HIVEP2: variants seen among roughly 807,000 people sequenced by gnomAD.
The protein encoded by HIVEP2 is HIVEP zinc finger 2, also known as transcription factor HIVEP2.
A neutral mutation model predicts 180.7 loss-of-function variants in HIVEP2; 14 were observed. The ratio of observed to expected loss-of-function variants is 0.08; its 90% CI spans 0.05 to 0.12. HIVEP2 has a LOEUF of 0.12. HIVEP2 is among the 10% of genes least tolerant of loss of function. The pLI is 1.00. For synonymous variants in HIVEP2, 1,184 were observed against 1,136.4 expected (o/e 1.04, Z -0.84); for missense variants, 2,579 against 3,008.5 (o/e 0.86, Z 3.34).
At chr6:142,858,152 A>T (rs1775875650) in intron 1 of HIVEP2, among the ~76,000 whole-genome samples, 1 of 152,228 alleles carries the variant, frequency 6.6e-6, no homozygotes, top group Admixed American at 6.5e-5. Context: ...TCCCAGACAT[A>T]TCATCTTATT....
intron 5 of HIVEP2, among the ~76,000 whole-genome samples, 165 bp from the exon 6 acceptor site, chr6:142,768,701 A>G (rs1775438545): frequency 6.6e-6 from 1 of 152,110 alleles, no homozygotes; most frequent in African/African-American, 2.4e-5. Context: ...TCAGATAAGA[A>G]TGACAGTTTC....
chr6:142,896,336 A>C (rs1776992833), intron 1 of HIVEP2, among the ~76,000 whole-genome samples: 1 of 152,138 alleles, frequency 6.6e-6, no homozygotes, highest in African/African-American at 2.4e-5. Context: ...TCCACTGTGA[A>C]CCACTTTGCC....
At chr6:142,812,353 A>G (rs947135879) in intron 2 of HIVEP2, among the ~76,000 whole-genome samples, 9 of 152,128 alleles carry the variant, frequency 5.9e-5, no homozygotes, top group African/African-American at 2.2e-4. Context: ...AAATCCCATA[A>G]TTTATGGGGC....
At chr6:142,817,569 C>A (rs1157319513) in intron 2 of HIVEP2, among the ~76,000 whole-genome samples, 1 of 152,144 alleles carries the variant, frequency 6.6e-6, no homozygotes, top group Non-Finnish European at 1.5e-5. Context: ...AGTACAAGAT[C>A]CTCAAAGTTC....
At chr6:142,785,984 C>T (rs1011833393) in intron 2 of HIVEP2, among the ~76,000 whole-genome samples, 22 of 152,260 alleles carry the variant, frequency 1.4e-4, no homozygotes, top group African/African-American at 5.1e-4. Flanking sequence ...CGTTTTTGCA[C>T]AAATCATTTT....
At chr6:142,893,806 G>A (rs1776917715) in intron 1 of HIVEP2, among the ~76,000 whole-genome samples, 1 of 152,054 alleles carries the variant, frequency 6.6e-6, no homozygotes, top group Non-Finnish European at 1.5e-5. Flanking sequence ...TCTGCAGCAT[G>A]TTATCCATCC....
At chr6:142,903,893 T>C (rs1228639626) in intron 1 of HIVEP2, among the ~76,000 whole-genome samples, 7 of 151,972 alleles carry the variant, frequency 4.6e-5, no homozygotes, top group African/African-American at 1.5e-4. Flanking sequence ...AAAAATTCCA[T>C]CTTAGTAGCA....
intron 1 of HIVEP2, among the ~76,000 whole-genome samples, chr6:142,859,859 A>G (rs1775928613): frequency 1.3e-5 from 2 of 150,318 alleles, no homozygotes; most frequent in South Asian, 4.2e-4. Flanking sequence ...AAAAAAGGAA[A>G]GAAAGAAAGA....
chr6:142,834,287 C>T (rs76355022), intron 2 of HIVEP2, among the ~76,000 whole-genome samples: 2,839 of 152,206 alleles, frequency 0.019, 98 homozygotes, highest in African/African-American at 0.064. Context: ...ATAGCAATTT[C>T]CACAGAACAC....
At chr6:142,826,917 G>T (rs1774919163) in intron 2 of HIVEP2, among the ~76,000 whole-genome samples, 1 of 152,174 alleles carries the variant, frequency 6.6e-6, no homozygotes, top group South Asian at 2.1e-4. Flanking sequence ...TCAGCTGCCG[G>T]CCTGGGATAA....
chr6:142,917,148 T>C (rs9390037), intron 1 of HIVEP2, among the ~76,000 whole-genome samples: 10,785 of 152,342 alleles, frequency 0.071, 494 homozygotes, highest in East Asian at 0.17. Flanking sequence ...ACTTCTTTGC[T>C]ACTCTTATTC....
intron 1 of HIVEP2, among the ~76,000 whole-genome samples, chr6:142,885,853 C>A (rs1776684905): frequency 6.6e-6 from 1 of 152,108 alleles, no homozygotes; most frequent in Non-Finnish European, 1.5e-5. Flanking sequence ...TAAAATGCCG[C>A]CTAATCTTCT....
At chr6:142,926,431 T>C (rs1180581067) in intron 1 of HIVEP2, among the ~76,000 whole-genome samples, 1 of 152,286 alleles carries the variant, frequency 6.6e-6, no homozygotes, top group Non-Finnish European at 1.5e-5. Flanking sequence ...TAAACATTCA[T>C]ATCTTTGTTT....
chr6:142,858,528 C>T lies in HIVEP2; in HGVS notation c.-640-21481G>A, dbSNP rs560551176. ...TTCTTGAGAATAAATGCCCCCCTCC[C>T]TTATCTGCTTCATCTTTTATCACAC... On this transcript the variant is annotated intron_variant, in intron 1 of 9. Transcript: ENST00000367603. 2.8e-4 allele frequency among the ~76,000 whole-genome samples: 42 copies of T among 152,292 alleles called. 1 individual carries two copies. The South Asian group carries it at 8.5e-3, about 31-fold the overall frequency.
chr6:142,795,123 T>C (rs1259404968), intron 2 of HIVEP2, among the ~76,000 whole-genome samples: 1 of 152,186 alleles, frequency 6.6e-6, no homozygotes, highest in African/African-American at 2.4e-5. Context: ...TCCTCACACA[T>C]ATAAATAATT....
At chr6:142,859,793 C>CA (rs1315175558) in intron 1 of HIVEP2, among the ~76,000 whole-genome samples, 1 of 127,952 alleles carries the variant, frequency 7.8e-6, no homozygotes, top group Non-Finnish European at 1.6e-5. Flanking sequence ...AAGATCACAC[C>CA]ATTGCACTCC....
At chr6:142,854,677 G>A (rs1002540705) in intron 1 of HIVEP2, among the ~76,000 whole-genome samples, 1 of 152,134 alleles carries the variant, frequency 6.6e-6, no homozygotes, top group Non-Finnish European at 1.5e-5. Flanking sequence ...ATTTTCCAGG[G>A]AAGGCACTGC....
intron 2 of HIVEP2, among the ~76,000 whole-genome samples, chr6:142,816,348 C>G (rs1245646751): frequency 6.6e-6 from 1 of 152,164 alleles, no homozygotes. Context: ...CCAGTTCAGC[C>G]CATTTCCAGA....
chr6:142,842,788 CTTAGTA>C, intron 1 of HIVEP2, among the ~76,000 whole-genome samples: 1 of 151,226 alleles, frequency 6.6e-6, no homozygotes, highest in East Asian at 2.0e-4. Flanking sequence ...CTTTCTGCTT[CTTAGTA>C]TAAGATTTTT....
Sources: gnomAD v4.1 joint callset for allele counts (sites outside exome capture counted in the v4.1 genomes callset) on GRCh38, gnomAD v4.1.1 for gene constraint, MANE v1.5 for transcripts, NCBI Gene and HGNC (gene_info 2026-07-23, HGNC 2026-07-21) for gene names.